Variants in PACRG observed in about 807,000 individuals in gnomAD.
PACRG encodes the protein parkin coregulated, also known as parkin coregulated gene protein.
PACRG carries 29 observed loss-of-function variants against 29.7 expected under a neutral mutation model. The observed-to-expected ratio is 0.98, with a 90% CI of 0.73 to 1.33. The LOEUF (loss-of-function observed/expected upper bound fraction) is 1.33, where lower values mean the gene tolerates loss of function less well. PACRG is among the 40% of genes most tolerant of loss of function. The pLI is 0.00. For synonymous variants in PACRG, 116 were observed against 118.7 expected (o/e 0.98, Z 0.15); for missense variants, 279 against 316.2 (o/e 0.88, Z 0.89).
intron 1 of PACRG, among the ~76,000 whole-genome samples, chr6:162,753,002 A>G (rs1218354879): frequency 1.3e-5 from 2 of 152,074 alleles, no homozygotes; most frequent in Admixed American, 6.6e-5. Flanking sequence ...TAATTCTATC[A>G]TTTTGGGGGC....
intron 2 of PACRG, among the ~76,000 whole-genome samples, chr6:162,920,561 A>T (rs1426737366): frequency 6.6e-6 from 1 of 152,224 alleles, no homozygotes; most frequent in East Asian, 1.9e-4. Context: ...TTTTATTTCT[A>T]GCATTTTCCA....
chr6:162,787,869 G>A (rs1784632874), intron 1 of PACRG, among the ~76,000 whole-genome samples: 1 of 150,320 alleles, frequency 6.7e-6, no homozygotes, highest in African/African-American at 2.4e-5. Context: ...GCCAGTGTTG[G>A]ACTAGTAACC....
At chr6:163,288,994 A>T (rs1037029348) in intron 4 of PACRG, among the ~76,000 whole-genome samples, 1 of 152,196 alleles carries the variant, frequency 6.6e-6, no homozygotes, top group Non-Finnish European at 1.5e-5. Flanking sequence ...GGTGAAACAC[A>T]GTGATAAAAG....
chr6:162,842,412 T>C (rs1789871952), intron 2 of PACRG, among the ~76,000 whole-genome samples: 1 of 151,528 alleles, frequency 6.6e-6, no homozygotes, highest in Non-Finnish European at 1.5e-5. Context: ...GAGACTAGGA[T>C]TGCAGCCCCT....
chr6:163,247,407 TAA>T (rs1782736660), intron 4 of PACRG, among the ~76,000 whole-genome samples: 1 of 152,126 alleles, frequency 6.6e-6, no homozygotes, highest in African/African-American at 2.4e-5. Context: ...TTAAAAGCAT[TAA>T]GAGATATTAA....
At chr6:163,303,836 C>CCAT (rs1785093998) in intron 4 of PACRG, among the ~76,000 whole-genome samples, 1 of 151,438 alleles carries the variant, frequency 6.6e-6, no homozygotes, top group Non-Finnish European at 1.5e-5. Flanking sequence ...TGGTGAAACC[C>CCAT]CATCTCTATT....
intron 1 of PACRG, among the ~76,000 whole-genome samples, chr6:162,773,280 C>T (rs1783363022): frequency 6.6e-6 from 1 of 151,578 alleles, no homozygotes; most frequent in African/African-American, 2.4e-5. Context: ...AGAGAATATC[C>T]TAATATTAGA....
chr6:162,850,210 CTTAT>C (rs1201595951), intron 2 of PACRG, among the ~76,000 whole-genome samples: 2 of 152,186 alleles, frequency 1.3e-5, no homozygotes, highest in Non-Finnish European at 2.9e-5. Flanking sequence ...TATTAAACAA[CTTAT>C]TTGTGTTCAT....
intron 4 of PACRG, among the ~76,000 whole-genome samples, chr6:163,246,369 C>T (rs1782697708): frequency 6.6e-6 from 1 of 152,212 alleles, no homozygotes; most frequent in Non-Finnish European, 1.5e-5. Context: ...TGGTTCTGCG[C>T]ATGGCTCCTT....
intron 1 of PACRG, among the ~76,000 whole-genome samples, chr6:162,746,431 T>C (rs1368385515): frequency 1.3e-5 from 2 of 152,234 alleles, no homozygotes; most frequent in Non-Finnish European, 2.9e-5. Context: ...CAGTAACAGT[T>C]GTATAAGGTA....
chr6:162,967,724 G>T lies in PACRG; in HGVS notation c.292-94426G>T, dbSNP rs369077060. 1.1e-4 allele frequency among the ~76,000 whole-genome samples: 17 copies of T among 152,046 alleles called. No homozygotes were observed. In the East Asian group the frequency reaches 3.1e-3, roughly 28 times the overall value. On this transcript the variant is annotated intron_variant, in intron 2 of 4. Coordinates refer to ENST00000366888, the MANE Select transcript of PACRG (RefSeq NM_001080379.2). ...GGGTTTCACCATGTTAGCCGGGATGGTCTCAATCTCCTGACCTCATGATCC... is the reference window on the plus strand; with the variant it reads ...GGGTTTCACCATGTTAGCCGGGATGTTCTCAATCTCCTGACCTCATGATCC...
chr6:162,846,032 G>A (rs1790345728), intron 2 of PACRG, among the ~76,000 whole-genome samples: 1 of 152,150 alleles, frequency 6.6e-6, no homozygotes, highest in African/African-American at 2.4e-5. Context: ...GACAGGGTGG[G>A]GGAGCCGGCA....
intron 2 of PACRG, among the ~76,000 whole-genome samples, chr6:162,912,098 G>A (rs1010114778): frequency 6.6e-6 from 1 of 152,178 alleles, no homozygotes; most frequent in Non-Finnish European, 1.5e-5. Flanking sequence ...AGAGGATCTG[G>A]AAAGGAAAAC....
chr6:163,186,690 C>T (rs1353334373), intron 4 of PACRG, among the ~76,000 whole-genome samples: 2 of 152,172 alleles, frequency 1.3e-5, no homozygotes, highest in African/African-American at 4.8e-5. Context: ...CCGGACCAGG[C>T]GCTCCCTGGC....
chr6:163,307,042 T>C (rs1785218678), intron 4 of PACRG, among the ~76,000 whole-genome samples: 2 of 152,214 alleles, frequency 1.3e-5, no homozygotes, highest in African/African-American at 4.8e-5. Flanking sequence ...AAGTCCAGTA[T>C]TCTTTTCACT....
chr6:162,844,809 A>G (rs757503937), intron 2 of PACRG, among the ~76,000 whole-genome samples: 1 of 152,038 alleles, frequency 6.6e-6, no homozygotes, highest in Non-Finnish European at 1.5e-5. Flanking sequence ...TATTTCTTAT[A>G]TTTTCTCCAG....
At chr6:163,269,817 GAAGGAGAAAGAAAGAAAGAAAAAGAA>G (rs1350046726) in intron 4 of PACRG, among the ~76,000 whole-genome samples, 18 of 80,410 alleles carry the variant, frequency 2.2e-4, no homozygotes, top group South Asian at 4.1e-4. Context: ...AGGAAGGAAG[GAAGGAGAAAGAAAGAAAGAAAAAGAA>G]AGAAAGAAAG....
rs1040947013 is a variant in PACRG, at chr6:163,099,159, GTC to G, written c.613+9752_613+9753del. 3.3e-5 allele frequency among the ~76,000 whole-genome samples: 5 copies of G among 152,084 alleles called. No homozygotes were observed. The East Asian group carries it at 9.6e-4, about 29-fold the overall frequency. Reference sequence around the variant, plus strand: ...CTGGTTTAAACGCCTCTGATACCTTGTCACCCCTCCACCCCTCTGAGGTACCC... The same window carrying G: ...CTGGTTTAAACGCCTCTGATACCTTGACCCCTCCACCCCTCTGAGGTACCC... On this transcript the variant is annotated intron_variant, in intron 4 of 4. Transcript: ENST00000366888.
intron 2 of PACRG, among the ~76,000 whole-genome samples, chr6:162,871,416 G>C (rs1792792543): frequency 6.6e-6 from 1 of 152,126 alleles, no homozygotes; most frequent in African/African-American, 2.4e-5. Flanking sequence ...TAAAACTGAA[G>C]AACATTGTTT....
Sources: gnomAD v4.1 joint callset for allele counts (sites outside exome capture counted in the v4.1 genomes callset) on GRCh38, gnomAD v4.1.1 for gene constraint, MANE v1.5 for transcripts, NCBI Gene and HGNC (gene_info 2026-07-23, HGNC 2026-07-21) for gene names.